The following GRHL2 variants were observed in gnomAD, a reference collection of about 807,000 sequenced individuals.
The protein encoded by GRHL2 is grainyhead like transcription factor 2.
A neutral mutation model predicts 83.8 loss-of-function variants in GRHL2; 21 were observed. That is an observed-to-expected ratio of 0.25 (90% CI 0.18 to 0.36). The LOEUF is 0.36. Among genes scored for constraint, GRHL2 ranks in the 10% least tolerant of loss-of-function variants. The pLI is 1.00. For missense variants in GRHL2, 623 were observed against 781.8 expected, an observed-to-expected ratio of 0.80 and a Z score of 2.42; for synonymous variants, 280 against 278.9, an observed-to-expected ratio of 1.00 and a Z score of -0.04.
At chr8:101,570,591 T>A (rs1811801820) in intron 5 of GRHL2, among the ~76,000 whole-genome samples, 197 bp downstream of exon 5, 1 of 152,228 alleles carries the variant, frequency 6.6e-6, no homozygotes, top group Non-Finnish European at 1.5e-5. Flanking sequence ...TTCTGGGACC[T>A]ACACCCCTTT....
intron 1 of GRHL2, among the ~76,000 whole-genome samples, chr8:101,507,833 A>C (rs1179541610): frequency 8.0e-6 from 1 of 125,140 alleles, no homozygotes; most frequent in African/African-American, 3.1e-5. Context: ...GCTGGAGTGC[A>C]GTGGTGCAGT....
chr8:101,631,804 G>A (rs750772236), intron 10 of GRHL2, 80 bp downstream of exon 10: 1 of 1,181,124 alleles, frequency 8.5e-7, no homozygotes, highest in Non-Finnish European at 1.3e-6. Context: ...TGGAAGAAGT[G>A]GGTTGCAGGT....
intron 4 of GRHL2, among the ~76,000 whole-genome samples, chr8:101,565,646 T>A (rs956735218): frequency 2.6e-5 from 4 of 152,210 alleles, no homozygotes; most frequent in African/African-American, 7.2e-5. Flanking sequence ...ACTTTAGTCA[T>A]ATTGACTAGT....
intron 1 of GRHL2, among the ~76,000 whole-genome samples, chr8:101,509,245 G>GTGTGTGTGTT (rs1335878148): frequency 8.7e-6 from 1 of 115,100 alleles, no homozygotes; most frequent in Non-Finnish European, 1.8e-5. Context: ...GTGTGTGTGT[G>GTGTGTGTGTT]TTTTGGCCTA....
At chr8:101,674,174 A>G (rs1814253566), downstream of GRHL2, among the ~76,000 whole-genome samples, 1 of 152,186 alleles carries the variant, frequency 6.6e-6, no homozygotes, top group Admixed American at 6.5e-5. Context: ...AAACACATTC[A>G]AAAGCTAGCA....
chr8:101,558,653 C>G lies in GRHL2; in HGVS notation c.519C>G (p.His173Gln). ...FTPVFMAPPV[H>Q]YPRGDGEEQR... ...CAGTTTTCATGGCCCCACCTGTGCA[C>G]TATCCCCGGGGAGATGGGGAAGAGC... Residue 173 changes from histidine (H) to glutamine (Q), a missense_variant, in exon 4 of 16, where the codon CAC becomes CAG. His to Gln is a conservative substitution (Grantham distance 24). This residue lies in a region of GRHL2 where 239 missense variants were observed against 240.5 expected (regional missense o/e 0.99). Coordinates refer to ENST00000646743, the MANE Select transcript of GRHL2 (RefSeq NM_024915.4). 1 of 1,614,194 alleles carries G rather than the reference C, an allele frequency of 6.2e-7. No homozygotes were observed. The highest frequency in any genetic ancestry group is 1.1e-5 in the South Asian group (1 of 91,080).
chr8:101,515,808 A>G (rs1040770866), intron 1 of GRHL2, among the ~76,000 whole-genome samples: 3 of 152,280 alleles, frequency 2.0e-5, no homozygotes. Context: ...ACTGTAGTCT[A>G]CCAAAGACAG....
At chr8:101,516,742 A>G (rs1191947039) in intron 1 of GRHL2, among the ~76,000 whole-genome samples, 1 of 152,228 alleles carries the variant, frequency 6.6e-6, no homozygotes, top group Non-Finnish European at 1.5e-5. Context: ...TGTCTCAGAA[A>G]TAAATACTGC....
chr8:101,611,277 C>A (rs1044672895), intron 8 of GRHL2, among the ~76,000 whole-genome samples: 3 of 151,062 alleles, frequency 2.0e-5, no homozygotes, highest in Non-Finnish European at 4.4e-5. Context: ...CTTTTGCTTT[C>A]TTATGTTACA....
chr8:101,635,082 C>T (rs1813259852), intron 11 of GRHL2, among the ~76,000 whole-genome samples: 2 of 152,110 alleles, frequency 1.3e-5, no homozygotes, highest in Admixed American at 1.3e-4. Flanking sequence ...AAGGAGGACT[C>T]CTCTCTCACA....
intron 11 of GRHL2, among the ~76,000 whole-genome samples, chr8:101,632,636 A>G (rs1356765014): frequency 6.6e-6 from 1 of 152,230 alleles, no homozygotes; most frequent in Non-Finnish European, 1.5e-5. Context: ...GATAACCTGT[A>G]AGAAGTTTTG....
chr8:101,636,554 C>T (rs1195001585), intron 11 of GRHL2, among the ~76,000 whole-genome samples: 2 of 152,150 alleles, frequency 1.3e-5, no homozygotes, highest in Non-Finnish European at 2.9e-5. Context: ...TTTTAGATCC[C>T]GCCAAAATGT....
intron 14 of GRHL2, among the ~76,000 whole-genome samples, chr8:101,652,262 T>G (rs1165960152): frequency 1.3e-5 from 2 of 151,804 alleles, no homozygotes; most frequent in Non-Finnish European, 2.9e-5. Context: ...ATATACACAA[T>G]ATGACATATT....
intron 8 of GRHL2, among the ~76,000 whole-genome samples, chr8:101,602,245 T>C (rs1812532039): frequency 6.6e-6 from 1 of 152,134 alleles, no homozygotes; most frequent in African/African-American, 2.4e-5. Flanking sequence ...AAAGGCAAAA[T>C]TGCATGATTG....
At chr8:101,645,116 AT>A (rs553249046) in intron 13 of GRHL2, among the ~76,000 whole-genome samples, 338 of 117,134 alleles carry the variant, frequency 2.9e-3, no homozygotes, top group Non-Finnish European at 3.4e-3. Flanking sequence ...GCAGTACAGA[AT>A]TTTTTTTTTT....
At chr8:101,549,589 AC>A (rs1459616715) in intron 2 of GRHL2, among the ~76,000 whole-genome samples, 1 of 152,146 alleles carries the variant, frequency 6.6e-6, no homozygotes, top group Non-Finnish European at 1.5e-5. Context: ...GGGATGCTTG[AC>A]AGTCCAGAAA....
At chr8:101,557,650 A>G (rs1811515859) in intron 3 of GRHL2, among the ~76,000 whole-genome samples, 2 of 152,078 alleles carry the variant, frequency 1.3e-5, no homozygotes, top group African/African-American at 4.8e-5. Context: ...CTCATACTTG[A>G]TTTTTATGAC....
intron 14 of GRHL2, 135 bp from the exon 15 acceptor site, chr8:101,664,319 T>C (rs1813995307): frequency 3.0e-6 from 2 of 675,094 alleles, no homozygotes; most frequent in African/African-American, 1.9e-5. Flanking sequence ...ATGAGTGTTT[T>C]GAGAGTTCGA....
chr8:101,631,346 A>G (rs1441716962), intron 9 of GRHL2, among the ~76,000 whole-genome samples: 1 of 152,250 alleles, frequency 6.6e-6, no homozygotes, highest in Non-Finnish European at 1.5e-5. Context: ...AACTGGGTTG[A>G]TTCTTTCCAT....
Sources: allele counts gnomAD v4.1 joint callset (sites outside exome capture counted in the v4.1 genomes callset), GRCh38; gene constraint gnomAD v4.1.1; regional missense constraint gnomAD v4.1.1; transcripts MANE v1.5; gene names NCBI Gene and HGNC (gene_info 2026-07-23, HGNC 2026-07-21).